Variants in DENND1B observed in about 807,000 individuals in gnomAD.
The protein encoded by DENND1B is DENN domain-containing protein 1B.
Under a neutral mutation model 90.1 loss-of-function variants are expected in DENND1B, and 59 were observed. The ratio of observed to expected loss-of-function variants is 0.65; its 90% CI spans 0.53 to 0.81. DENND1B has a LOEUF of 0.81. DENND1B is among the 40% of genes least tolerant of loss of function. The probability of loss-of-function intolerance (pLI) is 0.00; values close to 1 mark genes in which losing one functional copy is unlikely to be tolerated. For missense variants in DENND1B, 862 were observed against 912.6 expected (o/e 0.94, Z 0.71); for synonymous variants, 337 against 324.6 (o/e 1.04, Z -0.41).
Position 197,552,255 on chromosome 1 carries a change from C to T in DENND1B, c.1240+767G>A, listed in dbSNP as rs568277089. The T allele has an allele frequency of 1.8e-4, 181 of 983,448 alleles. No individual in the cohort carries two copies. In the African/African-American group the frequency reaches 3.0e-3, roughly 17 times the overall value. The allele number at this position is 983,448 out of a possible 1,614,324, so 60.9% of individuals were successfully genotyped here. A position where few individuals can be genotyped will look rare whatever the true frequency, so the allele number is the denominator to read the frequency against. On this transcript the variant is annotated intron_variant, in intron 16 of 22. Transcript: ENST00000620048. ...GGCCAAAAATTAACACACTAAGATA[C>T]AGAATACAAGGATTTTTGTTTATTT...
intron 5 of DENND1B, among the ~76,000 whole-genome samples, chr1:197,661,034 T>C (rs1042186429): frequency 1.3e-5 from 2 of 151,938 alleles, no homozygotes; most frequent in African/African-American, 2.4e-5. Context: ...AATAAGCATA[T>C]TGACAACTTT....
intron 10 of DENND1B, among the ~76,000 whole-genome samples, chr1:197,640,169 C>G (rs1438644855): frequency 3.3e-5 from 5 of 151,940 alleles, no homozygotes; most frequent in Non-Finnish European, 7.4e-5. Flanking sequence ...CAGATGTAGA[C>G]TATTATAAAA....
chr1:197,655,335 C>T (rs979126021), intron 6 of DENND1B, among the ~76,000 whole-genome samples: 1 of 152,248 alleles, frequency 6.6e-6, no homozygotes, highest in East Asian at 1.9e-4. Context: ...TATCTATTTG[C>T]TATGGGAGAC....
At chr1:197,574,727 C>G (rs1437502359) in intron 15 of DENND1B, among the ~76,000 whole-genome samples, 1 of 152,170 alleles carries the variant, frequency 6.6e-6, no homozygotes, top group African/African-American at 2.4e-5. Context: ...CAGCATGGTA[C>G]TGGTACCAAA....
chr1:197,509,048 C>CAT lies in DENND1B; in HGVS notation c.*1411_*1412insAT, dbSNP rs1408185134. On this transcript the variant is annotated 3_prime_UTR_variant, in exon 23 of 23. Coordinates refer to ENST00000620048, the MANE Select transcript of DENND1B (RefSeq NM_001195215.2). ...AAGGGCAGGAAGAACTTTAGAGTGACAAACGCTACCTCAGCCAGGTTATCA... is the reference window on the plus strand; with the variant it reads ...AAGGGCAGGAAGAACTTTAGAGTGACATAAACGCTACCTCAGCCAGGTTATCA... 6.6e-6 allele frequency: 1 copy of CAT among 151,724 alleles called. No homozygotes were observed. Among genetic ancestry groups the CAT allele is most frequent in the African/African-American group, 2.4e-5 (1 of 41,352 alleles). The allele number at this position is 151,724 out of a possible 1,614,324, so 9.4% of individuals were successfully genotyped here.
intron 10 of DENND1B, among the ~76,000 whole-genome samples, chr1:197,634,861 C>T (rs1679636958): frequency 6.6e-6 from 1 of 152,148 alleles, no homozygotes; most frequent in African/African-American, 2.4e-5. Flanking sequence ...CACAGAGGCA[C>T]ATGCCTGTAG....
chr1:197,618,001 A>G (rs903455447), intron 10 of DENND1B, among the ~76,000 whole-genome samples: 1 of 151,172 alleles, frequency 6.6e-6, no homozygotes, highest in Non-Finnish European at 1.5e-5. Flanking sequence ...ATCTGAAAAT[A>G]CCGAGTTTGG....
At chr1:197,755,663 T>C (rs1043209964) in intron 2 of DENND1B, among the ~76,000 whole-genome samples, 2 of 152,168 alleles carry the variant, frequency 1.3e-5, no homozygotes, top group Non-Finnish European at 2.9e-5. Flanking sequence ...TACCCGAGAC[T>C]GGGCAATTTA....
Position 197,553,078 on chromosome 1 carries a change from C to T in DENND1B, c.1184G>A (p.Gly395Glu), listed in dbSNP as rs759209652. The change falls in exon 16 of 23, where the codon GGA becomes GAA. Residue 395 changes from glycine to glutamate, a missense_variant. Coordinates refer to ENST00000620048, the MANE Select transcript of DENND1B (RefSeq NM_001195215.2). ...TTCAAATACATCAGAGAAACCCCTT[C>T]CTGCATTTAGTTTTGCCAGTCGACC... ...IDGRLAKLNA[G>E]RGFSDVFEEE... 1 of 1,545,804 alleles carries T rather than the reference C, an allele frequency of 6.5e-7. No homozygotes were observed. The highest frequency in any genetic ancestry group is 2.4e-5 in the East Asian group (1 of 40,862).
chr1:197,515,219 C>G (rs1668313839), intron 20 of DENND1B, among the ~76,000 whole-genome samples: 1 of 151,628 alleles, frequency 6.6e-6, no homozygotes, highest in South Asian at 2.1e-4. Flanking sequence ...TCTTATAACC[C>G]CTACTCGGAA....
chr1:197,563,652 A>C (rs1672363986), intron 15 of DENND1B, among the ~76,000 whole-genome samples: 1 of 151,966 alleles, frequency 6.6e-6, no homozygotes, highest in South Asian at 2.1e-4. Context: ...TCATTCTGCA[A>C]CCCATGGATC....
chr1:197,751,714 T>C (rs973130078), intron 2 of DENND1B, among the ~76,000 whole-genome samples: 1 of 151,748 alleles, frequency 6.6e-6, no homozygotes, highest in East Asian at 1.9e-4. Flanking sequence ...CGTGGTAGCA[T>C]GTGCCTCTAA....
chr1:197,547,024 C>T (rs191013091), intron 16 of DENND1B, among the ~76,000 whole-genome samples: 19 of 152,338 alleles, frequency 1.2e-4, no homozygotes, highest in Admixed American at 1.2e-3. Flanking sequence ...TTCCCATCAA[C>T]TGATCTCAGT....
At chr1:197,593,104 G>A (rs377661328) in intron 14 of DENND1B, among the ~76,000 whole-genome samples, 9 of 151,836 alleles carry the variant, frequency 5.9e-5, no homozygotes, top group South Asian at 2.1e-4. Flanking sequence ...ATCAATGACC[G>A]AAAAGAATTA....
intron 13 of DENND1B, among the ~76,000 whole-genome samples, chr1:197,604,746 A>T (rs1025454391): frequency 1.3e-4 from 20 of 151,192 alleles, no homozygotes; most frequent in African/African-American, 3.1e-4. Context: ...ACACACAAAA[A>T]ATTTTAGTAA....
intron 3 of DENND1B, among the ~76,000 whole-genome samples, chr1:197,713,816 T>TATAATATATTATA (rs1660261415): frequency 1.6e-5 from 1 of 63,734 alleles, no homozygotes; most frequent in Non-Finnish European, 2.6e-5. Flanking sequence ...ATATATTATA[T>TATAATATATTATA]ATAATATATT....
chr1:197,596,225 G>T (rs1675676662), intron 13 of DENND1B, among the ~76,000 whole-genome samples: 1 of 151,892 alleles, frequency 6.6e-6, no homozygotes, highest in Non-Finnish European at 1.5e-5. Context: ...TATCTTTTAA[G>T]TGCTATGTAT....
rs557941326 is a variant in DENND1B at position 197,509,320 on chromosome 1, A to C, written c.*1140T>G. On this transcript the variant is annotated 3_prime_UTR_variant, in exon 23 of 23. Coordinates refer to ENST00000620048, the MANE Select transcript of DENND1B (RefSeq NM_001195215.2). Reference sequence around the variant, plus strand: ...AACTGTCACAGGCAAGAGGAGCCTAAGGAGACATTCCAACTCAATATAGTG... The same window carrying C: ...AACTGTCACAGGCAAGAGGAGCCTACGGAGACATTCCAACTCAATATAGTG... The C allele has an allele frequency of 2.0e-5, 3 of 152,018 alleles. No homozygotes were observed. In the East Asian group the frequency reaches 5.8e-4, roughly 30 times the overall value. The allele number at this position is 152,018 out of a possible 1,614,324, so 9.4% of individuals were successfully genotyped here.
intron 2 of DENND1B, chr1:197,747,252 C>T (rs1211389926): frequency 3.1e-6 from 2 of 641,996 alleles, no homozygotes; most frequent in Non-Finnish European, 5.8e-6. Flanking sequence ...CAGAAGGACA[C>T]TCTTCATAGG....
Sources: gnomAD v4.1 joint callset for allele counts (sites outside exome capture counted in the v4.1 genomes callset) on GRCh38, gnomAD v4.1.1 for gene constraint, MANE v1.5 for transcripts, NCBI Gene and HGNC (gene_info 2026-07-23, HGNC 2026-07-21) for gene names.